Variants in ARMC9 observed in about 807,000 individuals in gnomAD.
ARMC9 encodes the protein armadillo repeat containing 9.
Under a neutral mutation model 107.0 loss-of-function variants are expected in ARMC9, and 94 were observed. That is an observed-to-expected ratio of 0.88 (90% CI 0.74 to 1.04). The LOEUF (loss-of-function observed/expected upper bound fraction) is 1.04, where lower values mean the gene tolerates loss of function less well. Ranked by LOEUF, ARMC9 falls within the 50% of genes least tolerant of loss-of-function variation. The probability of loss-of-function intolerance (pLI) is 0.00; values close to 1 mark genes in which losing one functional copy is unlikely to be tolerated. For synonymous variants in ARMC9, 380 were observed against 396.9 expected, an observed-to-expected ratio of 0.96 and a Z score of 0.51; for missense variants, 942 against 1,030.1, an observed-to-expected ratio of 0.91 and a Z score of 1.17.
At chr2:231,325,454 A>G (rs552757446) in intron 19 of ARMC9, among the ~76,000 whole-genome samples, 1 of 152,238 alleles carries the variant, frequency 6.6e-6, no homozygotes, top group Admixed American at 6.5e-5. Flanking sequence ...TTTGTTTCTT[A>G]ATGTTTCGTA....
At chr2:231,309,808 A>G (rs1313455756) in intron 19 of ARMC9, among the ~76,000 whole-genome samples, 1 of 152,152 alleles carries the variant, frequency 6.6e-6, no homozygotes, top group Non-Finnish European at 1.5e-5. Flanking sequence ...AACCTTAGCA[A>G]GTGGGAAAAT....
chr2:231,333,400 AC>A (rs1468877639), intron 20 of ARMC9, among the ~76,000 whole-genome samples: 7 of 152,124 alleles, frequency 4.6e-5, no homozygotes, highest in Non-Finnish European at 8.8e-5. Context: ...GGGGCGGGGA[AC>A]CACCGCGAAC....
At chr2:231,254,612 A>T (rs2037591230) in intron 9 of ARMC9, among the ~76,000 whole-genome samples, 1 of 151,952 alleles carries the variant, frequency 6.6e-6, no homozygotes. Flanking sequence ...TGAGCCCAGG[A>T]GTTCAAGACC....
intron 20 of ARMC9, among the ~76,000 whole-genome samples, chr2:231,341,184 C>T (rs1380589103): frequency 1.3e-5 from 2 of 152,174 alleles, no homozygotes; most frequent in Non-Finnish European, 2.9e-5. Flanking sequence ...AGAGCAAGAC[C>T]TTGTCTAAAA....
chr2:231,230,220 G>A (rs892528968), intron 7 of ARMC9, among the ~76,000 whole-genome samples: 8 of 151,868 alleles, frequency 5.3e-5, no homozygotes, highest in Non-Finnish European at 1.5e-5. Context: ...AAAATTAACC[G>A]AGCGTGGCGA....
Position 231,331,885 on chromosome 2 carries a change from G to T in ARMC9, c.1866G>T (p.Thr622=). Residue 622 remains threonine, a synonymous_variant, in exon 20 of 25, where the codon ACG becomes ACT. Coordinates refer to ENST00000611582, the MANE Select transcript of ARMC9 (RefSeq NM_001352754.2). The part of the protein sequence containing the change: ...GELSGEKLLT[T]EYLGIMTNTG... ...TCTCAGGAGAGAAGCTTCTGACCAC[G>T]GAGTACCTGGGGGTAAGTGCCACAC... The T allele has an allele frequency of 6.2e-7, 1 of 1,612,124 alleles. No individual in the cohort carries two copies. The highest frequency in any genetic ancestry group is 8.5e-7 in the Non-Finnish European group (1 of 1,178,638).
intron 1 of ARMC9, among the ~76,000 whole-genome samples, chr2:231,200,184 A>G (rs1199402616): frequency 6.6e-6 from 1 of 152,126 alleles, no homozygotes. Context: ...AGAGAGTAAT[A>G]TGCGCAAAGG....
At chr2:231,242,025 C>T (rs909186725) in intron 9 of ARMC9, among the ~76,000 whole-genome samples, 14 of 152,256 alleles carry the variant, frequency 9.2e-5, no homozygotes, top group African/African-American at 3.1e-4. Context: ...GACAATAAAA[C>T]AAACACCCAC....
intron 16 of ARMC9, 73 bp from the exon 17 acceptor site, chr2:231,281,986 G>A (rs2040248252): frequency 2.1e-6 from 3 of 1,404,666 alleles, no homozygotes; most frequent in Non-Finnish European, 3.0e-6. Context: ...TTGTTCTGAG[G>A]TGTGGTGTTT....
intron 13 of ARMC9, among the ~76,000 whole-genome samples, chr2:231,272,076 C>T (rs55661911): frequency 6.6e-6 from 1 of 151,664 alleles, no homozygotes; most frequent in Non-Finnish European, 1.5e-5. Context: ...AGTGGTTTTT[C>T]TAGTCACCAG....
chr2:231,301,071 C>T (rs934468898), intron 19 of ARMC9, among the ~76,000 whole-genome samples: 3 of 152,050 alleles, frequency 2.0e-5, no homozygotes, highest in Admixed American at 6.5e-5. Flanking sequence ...ACAGAGTACA[C>T]GGAGGTATGT....
At chr2:231,243,501 A>G (rs1231181100) in intron 9 of ARMC9, among the ~76,000 whole-genome samples, 1 of 152,232 alleles carries the variant, frequency 6.6e-6, no homozygotes, top group Non-Finnish European at 1.5e-5. Context: ...ACAAGAAGTT[A>G]TCAATACCAT....
At chr2:231,342,619 G>A (rs1309850219) in intron 20 of ARMC9, among the ~76,000 whole-genome samples, 2 of 152,082 alleles carry the variant, frequency 1.3e-5, no homozygotes, top group Non-Finnish European at 2.9e-5. Flanking sequence ...CTGGAGCACC[G>A]TGATGAGAGC....
At chr2:231,337,290 A>ATATATATATATATATATTTTTTTTT (rs1343774735) in intron 20 of ARMC9, among the ~76,000 whole-genome samples, 2 of 38,016 alleles carry the variant, frequency 5.3e-5, no homozygotes, top group African/African-American at 2.4e-4. Context: ...ATATATATAT[A>ATATATATATATATATATTTTTTTTT]TTTTTTTTTT....
chr2:231,214,243 A>T lies in ARMC9; in HGVS notation c.178-588A>T, dbSNP rs115206215. Among the ~76,000 whole-genome samples the T allele has an allele frequency of 2.4e-3, 369 of 152,332 alleles. 2 individuals carry two copies. The highest frequency in any genetic ancestry group is 8.6e-3 in the African/African-American group (357 of 41,570). ...GCAGCTGCAGCTGGCAGGCGTGGAC[A>T]GTCACCTTATGGTATAATGGGGTCT... On this transcript the variant is annotated intron_variant, in intron 3 of 24. Coordinates refer to ENST00000611582, the MANE Select transcript of ARMC9 (RefSeq NM_001352754.2).
intron 12 of ARMC9, chr2:231,270,695 G>A (rs1455979917): frequency 2.1e-5 from 12 of 565,334 alleles, no homozygotes; most frequent in African/African-American, 3.7e-5. Context: ...GAAAACAGCC[G>A]CAACGGTAAC....
At chr2:231,226,038 G>A (rs1159194781) in intron 6 of ARMC9, among the ~76,000 whole-genome samples, 1 of 152,120 alleles carries the variant, frequency 6.6e-6, no homozygotes, top group Non-Finnish European at 1.5e-5. Flanking sequence ...TGCATTTTTA[G>A]CAGAGACAGG....
chr2:231,287,241 G>T (rs921436506), intron 17 of ARMC9, among the ~76,000 whole-genome samples: 2 of 152,206 alleles, frequency 1.3e-5, no homozygotes, highest in African/African-American at 2.4e-5. Context: ...TCTCCAGAGG[G>T]CTGGGTGCTG....
At chr2:231,300,709 C>T (rs2041669001) in intron 19 of ARMC9, among the ~76,000 whole-genome samples, 1 of 152,182 alleles carries the variant, frequency 6.6e-6, no homozygotes, top group South Asian at 2.1e-4. Flanking sequence ...GGTCCATGCT[C>T]CTAACCACTG....
Sources: gnomAD v4.1 joint callset for allele counts (sites outside exome capture counted in the v4.1 genomes callset) on GRCh38, gnomAD v4.1.1 for gene constraint, MANE v1.5 for transcripts, NCBI Gene and HGNC (gene_info 2026-07-23, HGNC 2026-07-21) for gene names.